Variants in TPO observed in about 807,000 individuals in gnomAD.
TPO encodes the protein thyroid microsomal antigen.
TPO carries 78 observed loss-of-function variants against 96.9 expected under a neutral mutation model. That is an observed-to-expected ratio of 0.81 (90% CI 0.67 to 0.97). The LOEUF (loss-of-function observed/expected upper bound fraction) is 0.97, where lower values mean the gene tolerates loss of function less well. Ranked by LOEUF, TPO falls within the 50% of genes least tolerant of loss-of-function variation. The pLI is 0.00. For synonymous variants in TPO, 547 were observed against 538.0 expected (o/e 1.02, Z -0.23); for missense variants, 1,252 against 1,274.8 (o/e 0.98, Z 0.27).
rs759837719 is a variant in TPO at position 1,542,569 on chromosome 2, C to T, written c.*95C>T. 15 of 1,579,026 alleles carry T rather than the reference C, an allele frequency of 9.5e-6. No homozygotes were observed. The highest frequency in any genetic ancestry group is 5.8e-5 in the South Asian group (5 of 86,598). Reference sequence around the variant, plus strand: ...ACAGGCAAATCCGAAATCAGCAGGACGACTGTTTTCCCAACACGGGTAAAT... The same window carrying T: ...ACAGGCAAATCCGAAATCAGCAGGATGACTGTTTTCCCAACACGGGTAAAT... On this transcript the variant is annotated 3_prime_UTR_variant, in exon 17 of 17. Transcript: ENST00000329066.
chr2:1,519,430 A>G (rs1438951003), intron 15 of TPO, among the ~76,000 whole-genome samples: 1 of 152,182 alleles, frequency 6.6e-6, no homozygotes, highest in Non-Finnish European at 1.5e-5. Flanking sequence ...GTTGTTTCAA[A>G]TAATCATTAC....
In TPO at chr2:1,477,496, G is replaced by T; in HGVS notation, c.1230G>T (p.Trp410Cys). 1 of 1,531,564 alleles carries T rather than the reference G, an allele frequency of 6.5e-7. No individual in the cohort carries two copies. The allele number at this position is 1,531,564 out of a possible 1,614,324, so 94.9% of individuals were successfully genotyped here. Residue 410 changes from tryptophan to cysteine, a missense_variant, in exon 8 of 17, where the codon TGG becomes TGT. Transcript: ENST00000329066. ...VPSLTALHTL[W>C]LREHNRLAAA... ...CCCTGACGGCACTGCACACGCTGTG[G>T]CTGCGCGAGCACAACCGCCTGGCCG...
intron 4 of TPO, among the ~76,000 whole-genome samples, chr2:1,434,911 A>T (rs1046588475): frequency 3.3e-5 from 5 of 152,044 alleles, no homozygotes; most frequent in Non-Finnish European, 7.4e-5. Context: ...TGTGTGTTAC[A>T]TGACTATGAC....
intron 1 of TPO, among the ~76,000 whole-genome samples, chr2:1,375,296 G>A: frequency 6.6e-6 from 1 of 152,086 alleles, no homozygotes; most frequent in East Asian, 1.9e-4. Flanking sequence ...TGAAAGGGAG[G>A]ATTTATTTTG....
chr2:1,447,324 T>C (rs1040966156), intron 5 of TPO, among the ~76,000 whole-genome samples: 3 of 152,242 alleles, frequency 2.0e-5, no homozygotes, highest in African/African-American at 7.2e-5. Flanking sequence ...AGACGATAAC[T>C]TTACTCTTTC....
intron 5 of TPO, among the ~76,000 whole-genome samples, chr2:1,451,544 C>A (rs1464085): frequency 2.6e-5 from 4 of 151,966 alleles, no homozygotes; most frequent in South Asian, 2.1e-4. Flanking sequence ...CTAGTCACGC[C>A]TGACTCTTTT....
At chr2:1,492,408 G>A (rs1671860873) in intron 10 of TPO, among the ~76,000 whole-genome samples, 1 of 152,152 alleles carries the variant, frequency 6.6e-6, no homozygotes, top group South Asian at 2.1e-4. Context: ...GCCCGCCTCG[G>A]CCTCCAAAAG....
intron 5 of TPO, among the ~76,000 whole-genome samples, chr2:1,449,112 G>A (rs1197386061): frequency 1.3e-5 from 2 of 152,156 alleles, no homozygotes; most frequent in South Asian, 2.1e-4. Context: ...TGGGGGAGAC[G>A]ATCAGGTCTG....
chr2:1,422,564 G>A (rs976960325), intron 2 of TPO, among the ~76,000 whole-genome samples: 11 of 152,204 alleles, frequency 7.2e-5, no homozygotes, highest in African/African-American at 2.4e-4. Flanking sequence ...ACCGCGTCCG[G>A]AACTTCACGG....
intron 1 of TPO, among the ~76,000 whole-genome samples, chr2:1,401,436 T>C (rs895822451): frequency 1.8e-4 from 28 of 152,060 alleles, no homozygotes; most frequent in African/African-American, 6.5e-4. Context: ...TAGTTCTCTT[T>C]TTCTGTTTAC....
intron 5 of TPO, chr2:1,439,191 A>G (rs1388633951): frequency 2.0e-5 from 5 of 252,614 alleles, no homozygotes; most frequent in Non-Finnish European, 3.8e-5. Flanking sequence ...GGCGGGCTCC[A>G]CTGACGCTCC....
chr2:1,466,720 T>A (rs1668932994), intron 7 of TPO, among the ~76,000 whole-genome samples: 1 of 152,318 alleles, frequency 6.6e-6, no homozygotes, highest in Non-Finnish European at 1.5e-5. Context: ...GTGGTGTCAG[T>A]TGTAATATCT....
intron 1 of TPO, among the ~76,000 whole-genome samples, chr2:1,400,501 A>T (rs1662149379): frequency 6.8e-6 from 1 of 146,914 alleles, no homozygotes; most frequent in Non-Finnish European, 1.5e-5. Context: ...ATTGCACTCC[A>T]GCCTGGGTAA....
chr2:1,474,526 A>T (rs982398858), intron 7 of TPO, among the ~76,000 whole-genome samples: 1 of 152,100 alleles, frequency 6.6e-6, no homozygotes, highest in African/African-American at 2.4e-5. Context: ...GGAGTTACCT[A>T]TCCTTTCGAG....
At chr2:1,505,546 A>G (rs1160347041) in intron 14 of TPO, among the ~76,000 whole-genome samples, 1 of 117,952 alleles carries the variant, frequency 8.5e-6, no homozygotes, top group East Asian at 3.0e-4. Flanking sequence ...CTCCTGTGTC[A>G]GGTACAGCCC....
intron 5 of TPO, among the ~76,000 whole-genome samples, chr2:1,443,252 G>C (rs1666371682): frequency 2.0e-5 from 3 of 152,002 alleles, no homozygotes; most frequent in Admixed American, 2.0e-4. Flanking sequence ...CTTCTTGTTT[G>C]TATGATCCAG....
intron 1 of TPO, among the ~76,000 whole-genome samples, chr2:1,390,543 C>G (rs749588747): frequency 1.8e-4 from 27 of 152,112 alleles, no homozygotes; most frequent in Non-Finnish European, 3.2e-4. Flanking sequence ...GGGAATATAC[C>G]CAGTAATGGG....
chr2:1,522,685 G>A (rs1172419582), intron 15 of TPO, among the ~76,000 whole-genome samples: 6 of 152,070 alleles, frequency 3.9e-5, no homozygotes, highest in East Asian at 1.9e-4. Flanking sequence ...CTGACACATC[G>A]CAAAGGCTAC....
intron 15 of TPO, among the ~76,000 whole-genome samples, chr2:1,531,598 C>T (rs534523677): frequency 1.1e-5 from 1 of 91,606 alleles, no homozygotes; most frequent in Admixed American, 1.2e-4. Context: ...CCCCATATCC[C>T]CCCCACTCTG....
Sources: allele counts gnomAD v4.1 joint callset (sites outside exome capture counted in the v4.1 genomes callset), GRCh38; gene constraint gnomAD v4.1.1; transcripts MANE v1.5; gene names NCBI Gene and HGNC (gene_info 2026-07-23, HGNC 2026-07-21).